The following TNS3 variants were observed in gnomAD, a reference collection of about 807,000 sequenced individuals.
TNS3 encodes the protein tensin-3.
In TNS3, 45 loss-of-function variants were observed where a neutral mutation model predicts 140.9. The observed-to-expected ratio is 0.32, with a 90% confidence interval of 0.25 to 0.41. The LOEUF is 0.41. TNS3 is among the 10% of genes least tolerant of loss of function. The pLI, the probability that TNS3 is intolerant of heterozygous loss-of-function variation, is 1.00. For synonymous variants in TNS3, 815 were observed against 788.4 expected, an observed-to-expected ratio of 1.03 and a Z score of -0.56; for missense variants, 1,716 against 1,906.7, an observed-to-expected ratio of 0.90 and a Z score of 1.86.
chr7:47,331,462 G>A (rs1211401651), intron 20 of TNS3, among the ~76,000 whole-genome samples: 2 of 152,106 alleles, frequency 1.3e-5, no homozygotes, highest in East Asian at 1.9e-4. Context: ...CAACCTCAGC[G>A]ACACTGGGAC....
chr7:47,430,605 T>C (rs1445841784), intron 8 of TNS3, among the ~76,000 whole-genome samples: 1 of 152,100 alleles, frequency 6.6e-6, no homozygotes, highest in Non-Finnish European at 1.5e-5. Flanking sequence ...TACAGAACAT[T>C]GCATCAGAAT....
At chr7:47,379,365 A>T (rs998870578) in intron 16 of TNS3, among the ~76,000 whole-genome samples, 2 of 152,338 alleles carry the variant, frequency 1.3e-5, no homozygotes, top group Admixed American at 1.3e-4. Flanking sequence ...CTCTCACTCA[A>T]ACAAGGTCTG....
chr7:47,334,882 C>T (rs990073876), intron 20 of TNS3, among the ~76,000 whole-genome samples: 1 of 152,112 alleles, frequency 6.6e-6, no homozygotes, highest in South Asian at 2.1e-4. Flanking sequence ...GCTGGGATTA[C>T]AGGCATGAGC....
chr7:47,385,136 G>A (rs1176879364), intron 16 of TNS3, among the ~76,000 whole-genome samples: 1 of 152,090 alleles, frequency 6.6e-6, no homozygotes, highest in Non-Finnish European at 1.5e-5. Flanking sequence ...CCTGGCTCCT[G>A]CACCAGGCAC....
chr7:47,478,723 CAT>C (rs1443193676), intron 4 of TNS3, among the ~76,000 whole-genome samples: 1 of 151,944 alleles, frequency 6.6e-6, no homozygotes, highest in Non-Finnish European at 1.5e-5. Flanking sequence ...ACATAACTCT[CAT>C]ATGTATGGCA....
intron 4 of TNS3, among the ~76,000 whole-genome samples, chr7:47,471,295 C>T (rs1796941914): frequency 6.6e-6 from 1 of 152,172 alleles, no homozygotes. Flanking sequence ...TGTGCAGATG[C>T]TAAGGGGAGC....
chr7:47,494,466 A>G (rs1004606592), intron 3 of TNS3, among the ~76,000 whole-genome samples: 8 of 152,246 alleles, frequency 5.3e-5, no homozygotes, highest in African/African-American at 1.9e-4. Context: ...TATTGCAACC[A>G]TTCAGCCATT....
At chr7:47,488,997 C>T (rs1398728630) in intron 3 of TNS3, among the ~76,000 whole-genome samples, 2 of 152,246 alleles carry the variant, frequency 1.3e-5, no homozygotes, top group Admixed American at 1.3e-4. Context: ...ACTTTATTAA[C>T]TTTCTCTGCT....
chr7:47,522,314 C>A (rs1403042342), intron 2 of TNS3, among the ~76,000 whole-genome samples: 1 of 152,192 alleles, frequency 6.6e-6, no homozygotes. Flanking sequence ...ATCTGCCCAC[C>A]TCTGAGCCGC....
In TNS3 at chr7:47,407,884, T is replaced by C. The variant is rs1240829828; in HGVS notation, c.723+3843A>G. 2.6e-5 allele frequency among the ~76,000 whole-genome samples: 4 copies of C among 152,134 alleles called. No individual in the cohort carries two copies. The highest frequency in any genetic ancestry group is 4.8e-5 in the African/African-American group (2 of 41,424). On this transcript the variant is annotated intron_variant, in intron 13 of 30. Transcript: ENST00000311160. This position sits in a 1 kb window ranked among gnomAD's most constrained non-coding sequence, Gnocchi z 4.1. ...ATCTCAGGCTCCCAGCCTCCAGGAC[T>C]GTGGGAGAATCACCTCTGTTGTTTA... is the stretch of plus-strand genomic sequence containing the variant.
chr7:47,340,356 C>T (rs369179331), intron 20 of TNS3, among the ~76,000 whole-genome samples: 1 of 150,718 alleles, frequency 6.6e-6, no homozygotes, highest in African/African-American at 2.4e-5. Context: ...CTCTTGACCT[C>T]GTGATCTGCC....
chr7:47,305,953 T>C (rs941325726), intron 20 of TNS3, among the ~76,000 whole-genome samples: 2 of 152,190 alleles, frequency 1.3e-5, no homozygotes, highest in Admixed American at 6.5e-5. Context: ...GGAGAGGGTA[T>C]TGAAATTTAG....
chr7:47,278,706 G>A (rs1784986058), intron 30 of TNS3: 1 of 154,354 alleles, frequency 6.5e-6, no homozygotes, highest in Admixed American at 6.4e-5. Context: ...GGACCGAAGG[G>A]GAAATACACT....
chr7:47,302,884 C>G (rs1406793179), intron 22 of TNS3, 66 bp downstream of exon 22: 1 of 1,534,078 alleles, frequency 6.5e-7, no homozygotes, highest in East Asian at 2.3e-5. Flanking sequence ...AGCTGCAGGT[C>G]TGAACCCTTC....
At chr7:47,416,694 G>A (rs1794098327) in intron 10 of TNS3, among the ~76,000 whole-genome samples, 1 of 152,156 alleles carries the variant, frequency 6.6e-6, no homozygotes. Context: ...CGCCTCTCCT[G>A]CAGGGTACTT....
chr7:47,331,174 G>A (rs1214285809), intron 20 of TNS3, among the ~76,000 whole-genome samples: 2 of 152,208 alleles, frequency 1.3e-5, no homozygotes, highest in Non-Finnish European at 2.9e-5. Context: ...GAAGGCCTGG[G>A]AAGGATAGTC....
At chr7:47,495,595 G>A (rs183493019) in intron 3 of TNS3, among the ~76,000 whole-genome samples, 3 of 152,232 alleles carry the variant, frequency 2.0e-5, no homozygotes, top group Non-Finnish European at 4.4e-5. Flanking sequence ...GAGTCTGAAC[G>A]GGCCATAGAG....
At position 47,292,883 on chromosome 7, in the gene TNS3, G is replaced by A; in HGVS notation, c.3795C>T (p.Cys1265=). The A allele has an allele frequency of 1.2e-6, 2 of 1,614,078 alleles. No homozygotes were observed. Among genetic ancestry groups the A allele is most frequent in the Non-Finnish European group, 1.7e-6 (2 of 1,179,998 alleles). The change falls in exon 26 of 31, where the codon TGC becomes TGT. Residue 1265 remains cysteine, a synonymous_variant. Coordinates refer to ENST00000311160, the MANE Select transcript of TNS3 (RefSeq NM_022748.12). ...PYFGSLTALV[C]QHSITPLALP... ...AGGCCAAGGGCGTGATGGAATGCTG[G>A]CACACCAAGGCCGTCAGGCTCCCTG...
intron 1 of TNS3, among the ~76,000 whole-genome samples, chr7:47,573,038 G>C (rs565368764): frequency 6.6e-6 from 1 of 152,170 alleles, no homozygotes; most frequent in East Asian, 1.9e-4. Context: ...CAAGGGTCAC[G>C]TGTGGCCCAG....
Sources: gnomAD v4.1 joint callset for allele counts (sites outside exome capture counted in the v4.1 genomes callset) on GRCh38, gnomAD v4.1.1 for gene constraint, Gnocchi (gnomAD v3.1) non-coding constraint, MANE v1.5 for transcripts, NCBI Gene and HGNC (gene_info 2026-07-23, HGNC 2026-07-21) for gene names.